PLEKHS1: variants seen among roughly 807,000 people sequenced by gnomAD.
PLEKHS1 encodes pleckstrin homology domain-containing family S member 1.
A neutral mutation model predicts 51.0 loss-of-function variants in PLEKHS1; 55 were observed. The ratio of observed to expected loss-of-function variants is 1.08; its 90% CI spans 0.87 to 1.35. The LOEUF (loss-of-function observed/expected upper bound fraction) is 1.35, where lower values mean the gene tolerates loss of function less well. PLEKHS1 is among the 40% of genes most tolerant of loss of function. PLEKHS1 has a pLI of 0.00. For synonymous variants in PLEKHS1, 153 were observed against 144.8 expected (o/e 1.06, Z -0.41); for missense variants, 398 against 423.0 (o/e 0.94, Z 0.52).
exon 7 of PLEKHS1, chr10:113,769,796 T>G: frequency 6.2e-7 from 1 of 1,612,018 alleles, no homozygotes; most frequent in Non-Finnish European, 8.5e-7. Flanking sequence ...GGAACTCTCA[T>G]TGGGTAATAA....
intron 2 of PLEKHS1, chr10:113,755,529 C>T (rs1188726853): frequency 8.6e-6 from 7 of 818,420 alleles, no homozygotes; most frequent in South Asian, 7.1e-5. Flanking sequence ...CTCAGCCTCC[C>T]GAGGAGCTGG....
intron 2 of PLEKHS1, among the ~76,000 whole-genome samples, chr10:113,763,278 G>T (rs1030881803): frequency 3.3e-5 from 5 of 152,028 alleles, no homozygotes; most frequent in Admixed American, 2.6e-4. Flanking sequence ...ACTAGCGTTG[G>T]CATAGCATAT....
chr10:113,774,310 T>C, exon 9 of PLEKHS1: 2 of 1,584,470 alleles, frequency 1.3e-6, no homozygotes, highest in South Asian at 2.3e-5. Flanking sequence ...GAATTGAGTG[T>C]CATTATGAGC....
rs549583664 is a variant in PLEKHS1 at position 113,762,658 on chromosome 10, T to C, written c.29-3753T>C. 5.3e-5 allele frequency among the ~76,000 whole-genome samples: 8 copies of C among 152,172 alleles called. No individual in the cohort carries two copies. The East Asian group carries it at 5.8e-4, about 11-fold the overall frequency. ...GTTATTGATTTATAATTTGATTTCA[T>C]AGTGCTCTGAAAACATGATTTATAT... On this transcript the variant is annotated intron_variant, in intron 2 of 11. Coordinates refer to ENST00000361048, the Ensembl canonical transcript of PLEKHS1.
intron 5 of PLEKHS1, 91 bp downstream of exon 5, chr10:113,767,570 T>A: frequency 8.0e-7 from 1 of 1,257,628 alleles, no homozygotes; most frequent in African/African-American, 1.5e-5. Context: ...AAACATGTTC[T>A]GAACCCACGC....
chr10:113,780,610 G>A, exon 12 of PLEKHS1: 6 of 1,613,250 alleles, frequency 3.7e-6, no homozygotes, highest in Non-Finnish European at 5.1e-6. Context: ...AGAAATTAAA[G>A]CTTACCATCG....
rs373192160 is a variant in PLEKHS1, at chr10:113,775,875, G to A, written c.1091+9G>A. The stretch of plus-strand genomic sequence containing the variant: ...GCCACAGGACGGATATGGTAGGTTG[G>A]AGATTTGACTGTTGTGGATTATAAA... On this transcript the variant is annotated intron_variant, in intron 11 of 11. Coordinates refer to ENST00000361048, the Ensembl canonical transcript of PLEKHS1. The A allele has an allele frequency of 4.4e-6, 7 of 1,577,862 alleles. No homozygotes were observed. Among genetic ancestry groups the A allele is most frequent in the Non-Finnish European group, 5.2e-6 (6 of 1,152,018 alleles).
chr10:113,767,613 G>C, intron 5 of PLEKHS1, 134 bp downstream of exon 5: 1 of 916,906 alleles, frequency 1.1e-6, no homozygotes, highest in Non-Finnish European at 1.5e-6. Flanking sequence ...GGCAATCTTA[G>C]TTATTTTTAA....
At chr10:113,766,705 A>G (rs1194871897) in exon 4 of PLEKHS1, 1 of 1,608,448 alleles carries the variant, frequency 6.2e-7, no homozygotes. Context: ...CCGAGGTTCC[A>G]TTGAAATTGA....
chr10:113,764,626 G>A (rs1366832900), intron 2 of PLEKHS1, among the ~76,000 whole-genome samples: 1 of 151,942 alleles, frequency 6.6e-6, no homozygotes, highest in Non-Finnish European at 1.5e-5. Context: ...TTGGATCTCT[G>A]GGATTATAGT....
chr10:113,765,458 A>G, intron 2 of PLEKHS1: 1 of 774,304 alleles, frequency 1.3e-6, no homozygotes, highest in South Asian at 1.4e-5. Context: ...AGGTAGTTTC[A>G]GCACACACAT....
In PLEKHS1 at chr10:113,769,909, G is replaced by C; in HGVS notation, c.552+9G>C. The C allele has an allele frequency of 6.3e-7, 1 of 1,589,054 alleles. No homozygotes were observed. Among genetic ancestry groups the C allele is most frequent in the Non-Finnish European group, 8.6e-7 (1 of 1,157,340 alleles). On this transcript the variant is annotated intron_variant, in intron 7 of 11. Transcript: ENST00000361048. Reference sequence around the variant, plus strand: ...ATGGTCTCCAAGACAAGGTAATGGGGCTCACTTCTTTCTCAGGACACCACA... The same window carrying C: ...ATGGTCTCCAAGACAAGGTAATGGGCCTCACTTCTTTCTCAGGACACCACA...
chr10:113,765,827 G>T (rs974017095), intron 2 of PLEKHS1, among the ~76,000 whole-genome samples: 1 of 152,076 alleles, frequency 6.6e-6, no homozygotes, highest in Non-Finnish European at 1.5e-5. Flanking sequence ...CTCAGTTTTG[G>T]AAAGGGCAGT....
At chr10:113,761,263 C>T (rs1843913338) in intron 2 of PLEKHS1, among the ~76,000 whole-genome samples, 1 of 151,808 alleles carries the variant, frequency 6.6e-6, no homozygotes, top group African/African-American at 2.4e-5. Flanking sequence ...TATTCAGGGC[C>T]CCTTGGTATT....
rs1156258273 is a variant in PLEKHS1 at position 113,767,412 on chromosome 10, T to C, written c.292T>C (p.Cys98Arg). The C allele has an allele frequency of 3.7e-6, 6 of 1,613,356 alleles. No homozygotes were observed. The East Asian group carries it at 1.3e-4, about 36-fold the overall frequency. ...GCAATCTGTGCAGAAGATGTTTAAA[T>C]GCCACCCTGATGAGGTCATGTCCAT... Residue 98 changes from cysteine to arginine, a missense_variant, in exon 5 of 12, where the codon TGC (cysteine) becomes CGC (arginine). Cys to Arg is a radical substitution (Grantham distance 180). Transcript: ENST00000361048.
intron 2 of PLEKHS1, among the ~76,000 whole-genome samples, chr10:113,764,379 G>A (rs1250052775): frequency 6.6e-6 from 1 of 152,100 alleles, no homozygotes; most frequent in Non-Finnish European, 1.5e-5. Context: ...GATTACAGTT[G>A]TGAGCCACCA....
At chr10:113,769,711 C>T (rs2134536737) in intron 6 of PLEKHS1, 73 bp from the exon 7 acceptor site, 6 of 919,470 alleles carry the variant, frequency 6.5e-6, no homozygotes, top group South Asian at 1.3e-5. Flanking sequence ...GCAAGGAGCC[C>T]GGTAGAGAGG....
chr10:113,766,732 C>A lies in PLEKHS1; in HGVS notation c.224+14C>A. ...TGAAATTGATCAGTGTGTATCCAAG[C>A]AGGAAAACTTTTATAACAACAAATA... On this transcript the variant is annotated intron_variant, in intron 4 of 11. Transcript: ENST00000361048. 3 of 1,555,880 alleles carry A rather than the reference C, an allele frequency of 1.9e-6. No homozygotes were observed. Among genetic ancestry groups the A allele is most frequent in the Non-Finnish European group, 2.6e-6 (3 of 1,148,944 alleles).
intron 2 of PLEKHS1, chr10:113,764,880 G>GT (rs1211591405): frequency 6.5e-6 from 1 of 153,528 alleles, no homozygotes; most frequent in Non-Finnish European, 1.5e-5. Context: ...CTCCCATCCA[G>GT]TGTTGTTGCT....
Sources: allele counts gnomAD v4.1 joint callset (sites outside exome capture counted in the v4.1 genomes callset), GRCh38; gene constraint gnomAD v4.1.1; transcripts MANE v1.5; gene names NCBI Gene and HGNC (gene_info 2026-07-23, HGNC 2026-07-21).